CASK: variants seen among roughly 807,000 people sequenced by gnomAD.
CASK encodes peripheral plasma membrane protein CASK.
Under a neutral mutation model 82.9 loss-of-function variants are expected in CASK, and 4 were observed. The ratio of observed to expected loss-of-function variants is 0.05; its 90% CI spans 0.02 to 0.11. The LOEUF is 0.11. Among genes scored for constraint, CASK ranks in the 10% least tolerant of loss-of-function variants. CASK has a pLI of 1.00. For missense variants in CASK, 358 were observed against 720.9 expected (o/e 0.50, Z 5.76); for synonymous variants, 259 against 253.5 (o/e 1.02, Z -0.20).
rs190196587 is a variant in CASK, at chrX:41,815,853, C to T, written c.173-28570G>A. ...AGATTATCAACAAATTGCATAAAACCAGTGATAAAAACAAAGTTTTTTTTT... is the reference window on the plus strand; with the variant it reads ...AGATTATCAACAAATTGCATAAAACTAGTGATAAAAACAAAGTTTTTTTTT... On this transcript the variant is annotated intron_variant, in intron 2 of 26. Coordinates refer to ENST00000378163, the MANE Select transcript of CASK (RefSeq NM_001367721.1). Among the ~76,000 whole-genome samples the T allele has an allele frequency of 5.4e-5, 6 of 111,596 alleles. No individual in the cohort carries two copies. In the Admixed American group the frequency reaches 5.7e-4, roughly 11 times the overall value.
At chrX:41,742,556 T>C (rs1281310194) in intron 4 of CASK, among the ~76,000 whole-genome samples, 1 of 111,940 alleles carries the variant, frequency 8.9e-6, no homozygotes, top group Non-Finnish European at 1.9e-5. Context: ...TTTTATGCCA[T>C]GCTTTGCTGC....
At chrX:41,779,697 A>G (rs1043011236) in intron 3 of CASK, among the ~76,000 whole-genome samples, 2 of 111,893 alleles carry the variant, frequency 1.8e-5, no homozygotes, top group African/African-American at 6.5e-5. Flanking sequence ...ATAGATTAAA[A>G]TGCTACAGTA....
At chrX:41,766,412 TA>T (rs891994921) in intron 3 of CASK, among the ~76,000 whole-genome samples, 9 of 112,283 alleles carry the variant, frequency 8.0e-5, no homozygotes, top group African/African-American at 2.9e-4. Context: ...CTTTCTCACT[TA>T]AAAAAACTTT....
intron 5 of CASK, chrX:41,729,781 A>AAAAAAAAAT (rs2068351382): frequency 2.6e-5 from 1 of 38,007 alleles, no homozygotes; most frequent in Non-Finnish European, 4.5e-5. Flanking sequence ...AAAAAAAAAA[A>AAAAAAAAAT]ATATATATAT....
intron 12 of CASK, among the ~76,000 whole-genome samples, chrX:41,602,385 T>C (rs1175051983): frequency 8.9e-6 from 1 of 111,811 alleles, no homozygotes; most frequent in African/African-American, 3.2e-5. Flanking sequence ...TTAATTTTAT[T>C]TTTGGGTTAT....
In CASK at chrX:41,853,192, C is replaced by T; in HGVS notation, c.95G>A (p.Arg32Lys). 8.3e-7 allele frequency: 1 copy of T among 1,205,675 alleles called. No homozygotes were observed. Among genetic ancestry groups the T allele is most frequent in the Non-Finnish European group, 1.1e-6 (1 of 890,464 alleles). The change falls in exon 2 of 27, where the codon AGA becomes AAA. Residue 32 changes from arginine to lysine, a missense_variant. Physicochemically the swap from Arg to Lys is conservative, Grantham distance 26. Transcript: ENST00000378163. The part of the protein sequence containing the change: ...PFSVVRRCIN[R>K]ETGQQFAVKI... ...TACAGCAAATTGTTGCCCAGTTTCT[C>T]TGTTGATACATCGTCGTACAACACT... is the stretch of plus-strand genomic sequence containing the variant.
intron 1 of CASK, among the ~76,000 whole-genome samples, chrX:41,867,410 T>C (rs2071612386): frequency 8.9e-6 from 1 of 112,509 alleles, no homozygotes; most frequent in Admixed American, 9.4e-5. Flanking sequence ...TTTGAAGCTA[T>C]AGCTCTCTGA....
At chrX:41,889,517 T>C (rs2072125305) in intron 1 of CASK, among the ~76,000 whole-genome samples, 1 of 111,579 alleles carries the variant, frequency 9.0e-6, no homozygotes. Context: ...AATGCAATGC[T>C]GGTGAGTCAG....
intron 1 of CASK, among the ~76,000 whole-genome samples, chrX:41,901,274 G>A (rs2072375217): frequency 9.0e-6 from 1 of 111,268 alleles, no homozygotes; most frequent in African/African-American, 3.3e-5. Context: ...TTGAGGACCA[G>A]CTTGGGCAAC....
chrX:41,555,739 T>C, intron 19 of CASK, 104 bp from the exon 20 acceptor site: 1 of 610,850 alleles, frequency 1.6e-6, no homozygotes, highest in South Asian at 2.4e-5. Context: ...ATGAGCTAGA[T>C]TTAAGTTGTA....
At chrX:41,763,615 T>C (rs760357551) in intron 3 of CASK, among the ~76,000 whole-genome samples, 1 of 111,628 alleles carries the variant, frequency 9.0e-6, no homozygotes, top group Non-Finnish European at 1.9e-5. Flanking sequence ...TGAGCCATGA[T>C]TGTGCTACTG....
At chrX:41,898,665 T>A (rs890691708) in intron 1 of CASK, among the ~76,000 whole-genome samples, 2 of 112,184 alleles carry the variant, frequency 1.8e-5, no homozygotes, top group African/African-American at 6.5e-5. Flanking sequence ...AAGATTTTAT[T>A]TTCCTTACAA....
At chrX:41,666,555 A>G (rs952283952) in intron 6 of CASK, among the ~76,000 whole-genome samples, 1 of 112,274 alleles carries the variant, frequency 8.9e-6, no homozygotes, top group Non-Finnish European at 1.9e-5. Context: ...CTTCTGGTTC[A>G]GCTAGAGAGA....
intron 3 of CASK, among the ~76,000 whole-genome samples, chrX:41,782,822 G>T (rs1480506405): frequency 8.9e-6 from 1 of 112,046 alleles, no homozygotes; most frequent in African/African-American, 3.2e-5. Flanking sequence ...TGCTTTCTGT[G>T]ATCATTACTT....
chrX:41,691,347 G>A (rs1345939999), intron 5 of CASK, among the ~76,000 whole-genome samples: 1 of 112,023 alleles, frequency 8.9e-6, no homozygotes, highest in Non-Finnish European at 1.9e-5. Context: ...TAGCAAATAA[G>A]ATTAATACCC....
intron 2 of CASK, among the ~76,000 whole-genome samples, chrX:41,831,346 A>G: frequency 8.9e-6 from 1 of 112,216 alleles, no homozygotes; most frequent in Non-Finnish European, 1.9e-5. Flanking sequence ...TCCAAAAGTT[A>G]TTTAACTTCT....
intron 1 of CASK, among the ~76,000 whole-genome samples, chrX:41,903,407 A>G (rs1439819077): frequency 8.9e-6 from 1 of 112,186 alleles, no homozygotes; most frequent in African/African-American, 3.2e-5. Context: ...AAGAAAATCA[A>G]ATACCATAAA....
intron 3 of CASK, among the ~76,000 whole-genome samples, chrX:41,778,553 A>G: frequency 8.9e-6 from 1 of 111,804 alleles, no homozygotes; most frequent in East Asian, 2.8e-4. Context: ...TTTTAAATGA[A>G]CAAACTATAC....
At chrX:41,625,052 C>T (rs1057341781) in intron 10 of CASK, among the ~76,000 whole-genome samples, 12 of 110,970 alleles carry the variant, frequency 1.1e-4, no homozygotes, top group East Asian at 2.8e-4. Flanking sequence ...CACACACACA[C>T]GCATTTACAT....
Sources: gnomAD v4.1 joint callset for allele counts (sites outside exome capture counted in the v4.1 genomes callset) on GRCh38, gnomAD v4.1.1 for gene constraint, MANE v1.5 for transcripts, NCBI Gene and HGNC (gene_info 2026-07-23, HGNC 2026-07-21) for gene names.